CTTN: variants seen among roughly 807,000 people sequenced by gnomAD.
The protein encoded by CTTN is src substrate cortactin.
Under a neutral mutation model 84.0 loss-of-function variants are expected in CTTN, and 28 were observed. The observed-to-expected ratio is 0.33, with a 90% CI of 0.25 to 0.46. The LOEUF (loss-of-function observed/expected upper bound fraction) is 0.46. Among genes scored for constraint, CTTN ranks in the 20% least tolerant of loss-of-function variants. The pLI, the probability that CTTN is intolerant of heterozygous loss-of-function variation, is 1.00. For synonymous variants in CTTN, 301 were observed against 288.8 expected (o/e 1.04, Z -0.43); for missense variants, 641 against 723.8 (o/e 0.89, Z 1.31).
In CTTN at chr11:70,435,569, C is replaced by CG; in HGVS notation, c.*410dup. The CG allele has an allele frequency of 6.4e-7, 1 of 1,564,040 alleles. No homozygotes were observed. Among genetic ancestry groups the CG allele is most frequent in the Non-Finnish European group, 8.6e-7 (1 of 1,161,614 alleles). ...ACGAGGCCTCAGGTCGGCCCTGTGG[C>CG]GGGTAGGCAGGAAGGACTGTCCCAG... On this transcript the variant is annotated 3_prime_UTR_variant, in exon 18 of 18. Transcript: ENST00000301843.
At chr11:70,407,861 A>G (rs2058060605) in intron 4 of CTTN, 1 of 437,418 alleles carries the variant, frequency 2.3e-6, no homozygotes, top group African/African-American at 2.0e-5. Context: ...ATAATTTTAG[A>G]GTGTCCGCTT....
Position 70,422,679 on chromosome 11 carries a change from CGCCCCTCCT to C in CTTN, c.902-244_902-236del, listed in dbSNP as rs946683954. ...CGCTTAGCTCCTGCCTGCTGCCCGC[CGCCCCTCCT>C]GCCCCTCCTGCCCCTCAGGGAATGC... On this transcript the variant is annotated intron_variant, in intron 11 of 17. Coordinates refer to ENST00000301843, the MANE Select transcript of CTTN (RefSeq NM_005231.4). 1.5e-4 allele frequency: 211 copies of C among 1,424,920 alleles called. 1 individual carries two copies. Among genetic ancestry groups the C allele is most frequent in the Middle Eastern group, 2.2e-4 (1 of 4,494 alleles). 88.3% of individuals were successfully genotyped at this position (1,424,920 alleles called of 1,614,324 possible). A position where few individuals can be genotyped will look rare whatever the true frequency, so the allele number is the denominator to read the frequency against.
intron 1 of CTTN, among the ~76,000 whole-genome samples, chr11:70,399,470 C>T (rs1018388711): frequency 6.6e-6 from 1 of 151,960 alleles, no homozygotes; most frequent in East Asian, 1.9e-4. Context: ...GCTGGGGATC[C>T]GCCCGGCCTG....
intron 5 of CTTN, among the ~76,000 whole-genome samples, chr11:70,412,790 G>A (rs1459945374): frequency 6.6e-6 from 1 of 152,178 alleles, no homozygotes; most frequent in African/African-American, 2.4e-5. Flanking sequence ...TCTCCCCAGC[G>A]TGATTGTTTA....
chr11:70,413,230 G>A (rs2058115298), intron 5 of CTTN, among the ~76,000 whole-genome samples: 1 of 152,242 alleles, frequency 6.6e-6, no homozygotes, highest in South Asian at 2.1e-4. Flanking sequence ...GCTTGGGTTA[G>A]CAGGTTAGCA....
chr11:70,423,801 CCA>C (rs2058270228), intron 12 of CTTN, among the ~76,000 whole-genome samples: 1 of 152,240 alleles, frequency 6.6e-6, no homozygotes, highest in African/African-American at 2.4e-5. Flanking sequence ...GCGTCACACA[CCA>C]CAGAGCATCT....
At position 70,436,024 on chromosome 11, in the gene CTTN, C is replaced by T; in HGVS notation, c.*862C>T. 19 of 1,426,062 alleles carry T rather than the reference C, an allele frequency of 1.3e-5. No homozygotes were observed. The highest frequency in any genetic ancestry group is 4.6e-5 in the South Asian group (3 of 65,502). 88.3% of individuals were successfully genotyped at this position (1,426,062 alleles called of 1,614,324 possible). On this transcript the variant is annotated 3_prime_UTR_variant, in exon 18 of 18. Transcript: ENST00000301843. ...CCCTGGGCCACCGGGCAGCCTGGGG[C>T]GGTGTGTGTGCCATGTCACAGCATG...
intron 13 of CTTN, among the ~76,000 whole-genome samples, chr11:70,426,719 G>A (rs1052182331): frequency 2.6e-5 from 4 of 151,710 alleles, no homozygotes; most frequent in African/African-American, 7.3e-5. Flanking sequence ...CTCCGGAGTA[G>A]CTGGGACTAC....
At chr11:70,412,552 A>G (rs1174088838) in intron 5 of CTTN, among the ~76,000 whole-genome samples, 1 of 152,254 alleles carries the variant, frequency 6.6e-6, no homozygotes, top group African/African-American at 2.4e-5. Context: ...CTTGAGGAAT[A>G]TGTGCTAGAG....
chr11:70,414,593 G>A lies in CTTN; in HGVS notation c.343G>A (p.Val115Met), dbSNP rs762088227. 7 of 1,614,082 alleles carry A rather than the reference G, an allele frequency of 4.3e-6. No individual in the cohort carries two copies. Among genetic ancestry groups the A allele is most frequent in the Middle Eastern group, 1.6e-4 (1 of 6,084 alleles). ...QSKLSKHCSQ[V>M]DSVRGFGGKF... ...GAAACTTTCCAAGCACTGCTCGCAG[G>A]TGGACTCGGTCCGTGGCTTCGGAGG... The change falls in exon 6 of 18, where the codon GTG becomes ATG. Residue 115 changes from valine to methionine, a missense_variant. By Grantham distance (21) the Val-to-Met change is conservative. Around this residue, in one of 3 missense-constraint regions of CTTN, gnomAD observed 284 missense variants for 348.4 expected, o/e 0.82. Coordinates refer to ENST00000301843, the MANE Select transcript of CTTN (RefSeq NM_005231.4).
At chr11:70,414,674 C>T (rs2058137175) in intron 6 of CTTN, 22 bp downstream of exon 6, 1 of 1,584,666 alleles carries the variant, frequency 6.3e-7, no homozygotes, top group East Asian at 2.2e-5. Flanking sequence ...GGCACTGGGA[C>T]TGGGGCAGGT....
At chr11:70,430,390 G>A (rs12801468) in intron 14 of CTTN, among the ~76,000 whole-genome samples, 27,788 of 152,212 alleles carry the variant, frequency 0.18, 2,821 homozygotes, top group Admixed American at 0.25. Context: ...GGAGGTCAGA[G>A]GTCCTCAAAG....
chr11:70,412,430 A>T (rs569565939), intron 5 of CTTN, among the ~76,000 whole-genome samples: 7 of 152,328 alleles, frequency 4.6e-5, no homozygotes, highest in African/African-American at 1.4e-4. Context: ...CTCAGGAAAT[A>T]AATAGATTAA....
At chr11:70,434,673 C>G (rs564428885) in intron 17 of CTTN, among the ~76,000 whole-genome samples, 8 of 152,386 alleles carry the variant, frequency 5.2e-5, no homozygotes, top group African/African-American at 1.9e-4. Flanking sequence ...CCACTGCGGC[C>G]TCCGCAGCCC....
intron 4 of CTTN, chr11:70,408,129 AG>A (rs2058063245): frequency 6.6e-6 from 1 of 151,778 alleles, no homozygotes; most frequent in Non-Finnish European, 1.5e-5. Context: ...CTCTTGGGGC[AG>A]TTTTTTTTTT....
At chr11:70,413,989 C>T (rs1010682955) in intron 5 of CTTN, among the ~76,000 whole-genome samples, 12 of 152,116 alleles carry the variant, frequency 7.9e-5, no homozygotes, top group Admixed American at 3.3e-4. Flanking sequence ...CTGGTGGCCC[C>T]GACCTGTGTC....
intron 8 of CTTN, among the ~76,000 whole-genome samples, chr11:70,417,482 G>A (rs1300434928): frequency 6.6e-6 from 1 of 151,856 alleles, no homozygotes; most frequent in Non-Finnish European, 1.5e-5. Context: ...GGGATTACAG[G>A]TGTGACCTGT....
Position 70,422,419 on chromosome 11 carries a change from CAG to C in CTTN, c.902-520_902-519del, listed in dbSNP as rs2058248042. On this transcript the variant is annotated intron_variant, in intron 11 of 17. Coordinates refer to ENST00000301843, the MANE Select transcript of CTTN (RefSeq NM_005231.4). ...TCTCCGTGGCATCACTGCTGCATGACAGTGTGACTTTCATGTGGATCTGTGTT... is the reference window on the plus strand; with the variant it reads ...TCTCCGTGGCATCACTGCTGCATGACTGTGACTTTCATGTGGATCTGTGTT... 3.4e-5 allele frequency: 34 copies of C among 1,000,146 alleles called. No homozygotes were observed. In the South Asian group the frequency reaches 4.4e-4, roughly 13 times the overall value. The allele number at this position is 1,000,146 out of a possible 1,614,324, so 62.0% of individuals were successfully genotyped here. A position where few individuals can be genotyped will look rare whatever the true frequency, so the allele number is the denominator to read the frequency against.
chr11:70,428,824 G>A (rs1020569865), intron 13 of CTTN, among the ~76,000 whole-genome samples: 4 of 152,246 alleles, frequency 2.6e-5, no homozygotes, highest in Non-Finnish European at 1.5e-5. Flanking sequence ...CTGATGCCAG[G>A]CTTAGGGGGA....
Sources: allele counts gnomAD v4.1 joint callset (sites outside exome capture counted in the v4.1 genomes callset), GRCh38; gene constraint gnomAD v4.1.1; regional missense constraint gnomAD v4.1.1; transcripts MANE v1.5; gene names NCBI Gene and HGNC (gene_info 2026-07-23, HGNC 2026-07-21).